NUP107: variants seen among roughly 807,000 people sequenced by gnomAD.
The protein encoded by NUP107 is nuclear pore complex protein Nup107.
In NUP107, 101 loss-of-function variants were observed where a neutral mutation model predicts 141.0. That is an observed-to-expected ratio of 0.72 (90% CI 0.61 to 0.84). The LOEUF (loss-of-function observed/expected upper bound fraction) is 0.84. NUP107 is among the 40% of genes least tolerant of loss of function. The pLI, the probability that NUP107 is intolerant of heterozygous loss-of-function variation, is 0.00. For missense variants in NUP107, 941 were observed against 1,102.7 expected, an observed-to-expected ratio of 0.85 and a Z score of 2.08; for synonymous variants, 319 against 363.9, an observed-to-expected ratio of 0.88 and a Z score of 1.41.
At chr12:68,729,901 G>T (rs1358498042) in intron 20 of NUP107, among the ~76,000 whole-genome samples, 2 of 150,708 alleles carry the variant, frequency 1.3e-5, no homozygotes, top group African/African-American at 4.9e-5. Context: ...GTTCAAGCAT[G>T]AATATTTTTC....
intron 12 of NUP107, among the ~76,000 whole-genome samples, chr12:68,717,496 A>G (rs993255062): frequency 1.3e-5 from 2 of 149,158 alleles, no homozygotes; most frequent in Non-Finnish European, 3.0e-5. Flanking sequence ...TGTGAATCGT[A>G]TAATATATAT....
chr12:68,728,505 C>T (rs1020613260), intron 20 of NUP107, among the ~76,000 whole-genome samples: 1 of 147,124 alleles, frequency 6.8e-6, no homozygotes, highest in African/African-American at 2.5e-5. Context: ...CTTACTGCAG[C>T]CTCCGCCTCC....
intron 8 of NUP107, among the ~76,000 whole-genome samples, chr12:68,708,197 C>A (rs1876685373): frequency 6.6e-6 from 1 of 152,100 alleles, no homozygotes; most frequent in Non-Finnish European, 1.5e-5. Flanking sequence ...GCCAATCCCC[C>A]ATGGATACCA....
rs775052132 is a variant in NUP107 at position 68,726,553 on chromosome 12, G to C, written c.1631G>C (p.Gly544Ala). Residue 544 changes from glycine (G) to alanine (A), a missense_variant, in exon 19 of 28, where the codon GGA (glycine) becomes GCA (alanine). Physicochemically the swap from Gly to Ala is moderately conservative, Grantham distance 60. Coordinates refer to ENST00000229179, the MANE Select transcript of NUP107 (RefSeq NM_020401.4). The stretch of plus-strand genomic sequence containing the variant: ...TCCAAAAGCAGAAACAATCTACCTG[G>C]ACACCTGCTTCGCTTTATGACTCAC... ...WLSKSRNNLP[G>A]HLLRFMTHLI... The C allele has an allele frequency of 5.6e-6, 9 of 1,613,890 alleles. No homozygotes were observed. Among genetic ancestry groups the C allele is most frequent in the Middle Eastern group, 1.6e-4 (1 of 6,082 alleles).
At chr12:68,716,241 C>CTTTTT (rs370681977) in intron 12 of NUP107, among the ~76,000 whole-genome samples, 106 of 116,748 alleles carry the variant, frequency 9.1e-4, no homozygotes, top group African/African-American at 2.1e-3. Context: ...TTCTTTCTTT[C>CTTTTT]TTTCTTTTTT....
At chr12:68,691,643 G>A (rs1005864326) in intron 4 of NUP107, among the ~76,000 whole-genome samples, 1 of 152,226 alleles carries the variant, frequency 6.6e-6, no homozygotes, top group African/African-American at 2.4e-5. Flanking sequence ...AGACCAGCCT[G>A]GCCAACATGG....
intron 13 of NUP107, 46 bp downstream of exon 13, chr12:68,719,477 C>A: frequency 1.3e-6 from 2 of 1,556,576 alleles, no homozygotes; most frequent in Non-Finnish European, 1.8e-6. Context: ...AAAGGCATTT[C>A]GCTCTAAATG....
intron 3 of NUP107, 107 bp downstream of exon 3, chr12:68,689,726 C>T (rs1218517670): frequency 2.8e-6 from 2 of 717,076 alleles, no homozygotes; most frequent in Non-Finnish European, 4.7e-6. Flanking sequence ...TATCAATAAG[C>T]ACTAATAATA....
chr12:68,735,729 A>T (rs946445422), intron 26 of NUP107, among the ~76,000 whole-genome samples: 5 of 152,194 alleles, frequency 3.3e-5, no homozygotes, highest in African/African-American at 1.2e-4. Context: ...CAGACTTTTT[A>T]AAAACACTAC....
chr12:68,690,622 T>C lies in NUP107; in HGVS notation c.188-9T>C, dbSNP rs539347615. 1.2e-6 allele frequency: 2 copies of C among 1,614,188 alleles called. No homozygotes were observed. The highest frequency in any genetic ancestry group is 1.7e-5 in the Admixed American group (1 of 60,022). ...CTTTAGGTTCTTTCTACCAACCTTT[T>C]GTTTATAGTTACCCCAACAAGCCGA... On this transcript the variant is annotated splice_polypyrimidine_tract_variant and intron_variant, in intron 3 of 27. Transcript: ENST00000229179.
chr12:68,719,140 T>C (rs1877242216), intron 12 of NUP107, among the ~76,000 whole-genome samples: 1 of 152,198 alleles, frequency 6.6e-6, no homozygotes, highest in Non-Finnish European at 1.5e-5. Flanking sequence ...GCACTTGCCT[T>C]GGCCTCCCAA....
chr12:68,709,240 T>C lies in NUP107; in HGVS notation c.732T>C (p.Ala244=). 6.3e-7 allele frequency: 1 copy of C among 1,579,684 alleles called. No homozygotes were observed. The highest frequency in any genetic ancestry group is 8.6e-7 in the Non-Finnish European group (1 of 1,158,110). The change falls in exon 9 of 28, where the codon GCT becomes GCC. Residue 244 remains alanine, a splice_region_variant and synonymous_variant. Coordinates refer to ENST00000229179, the MANE Select transcript of NUP107 (RefSeq NM_020401.4). ...CCTTTTAATATTTTTCATAATAGGCTGTTAATGCCAGTGAAAAAACAGTTG... is the reference window on the plus strand; with the variant it reads ...CCTTTTAATATTTTTCATAATAGGCCGTTAATGCCAGTGAAAAAACAGTTG... ...LEEESVFAVT[A]VNASEKTVVE... is the part of the protein sequence containing the mutation.
intron 10 of NUP107, among the ~76,000 whole-genome samples, chr12:68,711,426 G>C (rs1011210333): frequency 9.9e-5 from 15 of 150,776 alleles, no homozygotes; most frequent in Admixed American, 9.9e-4. Flanking sequence ...CCTGAATTCT[G>C]TATTTAAATA....
At chr12:68,699,068 T>C (rs578004471) in intron 6 of NUP107, among the ~76,000 whole-genome samples, 13 of 152,102 alleles carry the variant, frequency 8.5e-5, no homozygotes, top group Admixed American at 7.9e-4. Context: ...TCTGCCCCAT[T>C]TTGCTGGGAA....
At chr12:68,690,362 T>C in intron 3 of NUP107, 1 of 490,032 alleles carries the variant, frequency 2.0e-6, no homozygotes, top group Non-Finnish European at 3.7e-6. Flanking sequence ...CTGATTAGTG[T>C]CTTTAACTGC....
intron 10 of NUP107, among the ~76,000 whole-genome samples, chr12:68,712,161 G>A (rs1876884805): frequency 1.3e-5 from 2 of 152,020 alleles, no homozygotes; most frequent in Non-Finnish European, 2.9e-5. Context: ...GGCTGGGCAT[G>A]GTTTAAGACT....
At chr12:68,719,986 A>G (rs1565697428) in intron 14 of NUP107, among the ~76,000 whole-genome samples, 1 of 152,230 alleles carries the variant, frequency 6.6e-6, no homozygotes, top group Non-Finnish European at 1.5e-5. Context: ...GAAAAACAAG[A>G]GGAAGGAATT....
At chr12:68,709,759 G>A (rs1032993389) in intron 9 of NUP107, among the ~76,000 whole-genome samples, 25 of 151,898 alleles carry the variant, frequency 1.6e-4, no homozygotes, top group Non-Finnish European at 1.0e-4. Flanking sequence ...TGTGGTGGTG[G>A]GCGCCTGTAG....
chr12:68,694,792 T>C (rs1246346980), intron 5 of NUP107, among the ~76,000 whole-genome samples: 1 of 152,120 alleles, frequency 6.6e-6, no homozygotes, highest in African/African-American at 2.4e-5. Context: ...TCGCAGCTAC[T>C]CGGGAGACTG....
Sources: gnomAD v4.1 joint callset for allele counts (sites outside exome capture counted in the v4.1 genomes callset) on GRCh38, gnomAD v4.1.1 for gene constraint, MANE v1.5 for transcripts, NCBI Gene and HGNC (gene_info 2026-07-23, HGNC 2026-07-21) for gene names.